Variants in NALCN observed in about 807,000 individuals in gnomAD.
The protein encoded by NALCN is sodium leak channel, non-selective.
Under a neutral mutation model 225.3 loss-of-function variants are expected in NALCN, and 111 were observed. That is an observed-to-expected ratio of 0.49 (90% CI 0.42 to 0.58). The LOEUF (loss-of-function observed/expected upper bound fraction) is 0.58, where lower values mean the gene tolerates loss of function less well. NALCN is among the 20% of genes least tolerant of loss of function. NALCN has a pLI of 0.00. For missense variants in NALCN, 1,378 were observed against 2,202.4 expected (o/e 0.63, Z 7.49); for synonymous variants, 764 against 769.0 (o/e 0.99, Z 0.11).
intron 17 of NALCN, among the ~76,000 whole-genome samples, chr13:101,128,436 C>G (rs972612318): frequency 6.6e-6 from 1 of 152,168 alleles, no homozygotes; most frequent in Non-Finnish European, 1.5e-5. Flanking sequence ...GAAAGACATT[C>G]CAATGTATGA....
intron 10 of NALCN, among the ~76,000 whole-genome samples, chr13:101,279,743 G>A (rs1162024225): frequency 1.3e-5 from 2 of 149,358 alleles, no homozygotes; most frequent in Admixed American, 6.6e-5. Context: ...CGTGAACCCG[G>A]GAGGCGGAGC....
At chr13:101,402,473 C>A (rs1169648088) in intron 1 of NALCN, among the ~76,000 whole-genome samples, 2 of 152,196 alleles carry the variant, frequency 1.3e-5, no homozygotes, top group Non-Finnish European at 2.9e-5. Flanking sequence ...CCAGCCCCGT[C>A]TTCACAGTAT....
At chr13:101,069,210 G>C (rs192519763) in intron 37 of NALCN, among the ~76,000 whole-genome samples, 1 of 152,318 alleles carries the variant, frequency 6.6e-6, no homozygotes, top group East Asian at 1.9e-4. Context: ...AATGGGTTAA[G>C]ATTTGGGAAT....
chr13:101,114,294 T>C (rs112213869), intron 18 of NALCN, among the ~76,000 whole-genome samples: 2,756 of 152,298 alleles, frequency 0.018, 39 homozygotes, highest in Non-Finnish European at 0.03. Context: ...CTGGAAGAAG[T>C]AAAGATGATT....
At chr13:101,409,395 G>A (rs1045455555) in intron 1 of NALCN, among the ~76,000 whole-genome samples, 6 of 152,024 alleles carry the variant, frequency 3.9e-5, no homozygotes, top group African/African-American at 1.2e-4. Context: ...CAGATCTCTC[G>A]AGCTCACTCA....
chr13:101,271,866 T>C (rs1205715169), intron 10 of NALCN, among the ~76,000 whole-genome samples: 2 of 149,856 alleles, frequency 1.3e-5, no homozygotes, highest in African/African-American at 5.0e-5. Context: ...AGCATGCACG[T>C]GTGTGTAGCC....
intron 7 of NALCN, among the ~76,000 whole-genome samples, chr13:101,336,410 T>C (rs2045380261): frequency 6.6e-6 from 1 of 152,190 alleles, no homozygotes; most frequent in Non-Finnish European, 1.5e-5. Flanking sequence ...ATAATTACGT[T>C]CTTCAGAAGT....
intron 6 of NALCN, 98 bp from the exon 7 acceptor site, chr13:101,345,518 G>T: frequency 7.2e-7 from 1 of 1,394,696 alleles, no homozygotes; most frequent in Non-Finnish European, 9.7e-7. Flanking sequence ...CTATGTATCT[G>T]GCCAAGTGAG....
intron 20 of NALCN, among the ~76,000 whole-genome samples, chr13:101,108,133 T>A (rs1377059046): frequency 2.0e-5 from 3 of 149,248 alleles, no homozygotes; most frequent in East Asian, 3.9e-4. Context: ...TAAAGGTATA[T>A]ATTTACATTA....
chr13:101,071,619 G>T (rs1182872323), intron 37 of NALCN, among the ~76,000 whole-genome samples: 2 of 152,140 alleles, frequency 1.3e-5, no homozygotes, highest in Non-Finnish European at 2.9e-5. Context: ...TAGCTTAAGG[G>T]CATGTTGTGG....
intron 12 of NALCN, among the ~76,000 whole-genome samples, chr13:101,234,776 C>CA (rs2041484408): frequency 6.6e-6 from 1 of 152,110 alleles, no homozygotes; most frequent in Admixed American, 6.6e-5. Context: ...AAATCAAAGA[C>CA]AAAACTGAAA....
intron 10 of NALCN, among the ~76,000 whole-genome samples, chr13:101,272,003 C>T (rs1190641632): frequency 6.8e-6 from 1 of 146,270 alleles, no homozygotes; most frequent in Non-Finnish European, 1.5e-5. Context: ...TGTGTGTCTG[C>T]GATTGTGTGT....
chr13:101,201,988 T>C (rs1051677809), intron 13 of NALCN, among the ~76,000 whole-genome samples: 2 of 152,194 alleles, frequency 1.3e-5, no homozygotes, highest in Non-Finnish European at 2.9e-5. Flanking sequence ...AGTGCAAAAG[T>C]GACTTCTCTT....
At chr13:101,266,675 T>C (rs1394592626) in intron 10 of NALCN, among the ~76,000 whole-genome samples, 1 of 152,204 alleles carries the variant, frequency 6.6e-6, no homozygotes, top group African/African-American at 2.4e-5. Flanking sequence ...TGAAATAAAC[T>C]TATTTGGAGA....
At chr13:101,320,042 C>T (rs9513882) in intron 7 of NALCN, among the ~76,000 whole-genome samples, 44,556 of 152,080 alleles carry the variant, frequency 0.29, 6,779 homozygotes, top group Non-Finnish European at 0.33. Context: ...TCATGTCTCA[C>T]TCCTGGGTGA....
At chr13:101,181,371 T>G (rs1245912372) in intron 14 of NALCN, 1 of 513,170 alleles carries the variant, frequency 1.9e-6, no homozygotes, top group Non-Finnish European at 3.9e-6. Context: ...CATCAGTTTC[T>G]TTCTGCTAAA....
chr13:101,284,185 A>G (rs1697093960), intron 9 of NALCN, among the ~76,000 whole-genome samples, 166 bp from the exon 10 acceptor site: 1 of 152,232 alleles, frequency 6.6e-6, no homozygotes, highest in Non-Finnish European at 1.5e-5. Context: ...TTGAAAGCTT[A>G]AATGAATGAA....
chr13:101,236,486 C>T lies in NALCN; in HGVS notation c.1434+1269G>A, dbSNP rs549436553. On this transcript the variant is annotated intron_variant, in intron 12 of 43. Transcript: ENST00000251127. ...CACGTATGTTTATTGCGGCACTCTT[C>T]ACAATAGGAAAGACTTGGAACCAAC... Among the ~76,000 whole-genome samples the T allele has an allele frequency of 4.4e-4, 67 of 152,212 alleles. 1 individual carries two copies. The highest frequency in any genetic ancestry group is 1.6e-3 in the African/African-American group (67 of 41,530).
rs144020229 is a variant in NALCN at position 101,193,602 on chromosome 13, T to C, written c.1627-1548A>G. On this transcript the variant is annotated intron_variant, in intron 13 of 43. Transcript: ENST00000251127. ...CATGAAAATATGAAGCGTGTTGTTA[T>C]TGATACTTGACCGCACCATCACCAA... Among the ~76,000 whole-genome samples, 1,445 of 152,326 alleles carry C rather than the reference T, an allele frequency of 9.5e-3. 22 individuals are homozygous for C. The highest frequency in any genetic ancestry group is 0.033 in the African/African-American group (1,372 of 41,578).
Sources: allele counts gnomAD v4.1 joint callset (sites outside exome capture counted in the v4.1 genomes callset), GRCh38; gene constraint gnomAD v4.1.1; transcripts MANE v1.5; gene names NCBI Gene and HGNC (gene_info 2026-07-23, HGNC 2026-07-21).